Variants in TENM1 observed in about 807,000 individuals in gnomAD.
TENM1 encodes teneurin transmembrane protein 1, also known as teneurin-1.
Under a neutral mutation model 174.8 loss-of-function variants are expected in TENM1, and 35 were observed. That is an observed-to-expected ratio of 0.20 (90% CI 0.15 to 0.27). The LOEUF (loss-of-function observed/expected upper bound fraction) is 0.27, where lower values mean the gene tolerates loss of function less well. Ranked by LOEUF, TENM1 falls within the 10% of genes least tolerant of loss-of-function variation. The probability of loss-of-function intolerance (pLI) is 1.00; values close to 1 mark genes in which losing one functional copy is unlikely to be tolerated. For missense variants in TENM1, 1,633 were observed against 2,130.1 expected (o/e 0.77, Z 4.59); for synonymous variants, 781 against 798.7 (o/e 0.98, Z 0.37).
chrX:125,061,811 G>A, the TENM1 span, among the ~76,000 whole-genome samples: 2 of 111,398 alleles, frequency 1.8e-5, no homozygotes, highest in Non-Finnish European at 3.8e-5. Context: ...GACTGATGCA[G>A]GAGGATCGCT....
At chrX:124,591,222 C>T (rs929371397) in intron 11 of TENM1, among the ~76,000 whole-genome samples, 14 of 111,285 alleles carry the variant, frequency 1.3e-4, no homozygotes, top group African/African-American at 4.2e-4. Flanking sequence ...GCATGTAGAC[C>T]ATTTATATTC....
At chrX:124,711,820 C>A (rs1190013084) in intron 4 of TENM1, among the ~76,000 whole-genome samples, 2 of 111,722 alleles carry the variant, frequency 1.8e-5, no homozygotes, top group African/African-American at 6.5e-5. Context: ...TTACACCTTG[C>A]AAATCTGAAA....
rs772760502 is a variant in TENM1, at chrX:124,408,312, T to C, written c.4983-1823A>G. Among the ~76,000 whole-genome samples the C allele has an allele frequency of 2.7e-5, 3 of 110,546 alleles. No homozygotes were observed. In the East Asian group the frequency reaches 8.6e-4, roughly 32 times the overall value. ...CGAGTACCACTACATCTGGCTAATT[T>C]TTGTATTTTTAGTAGAGATGTGTTT... On this transcript the variant is annotated intron_variant, in intron 25 of 31. Coordinates refer to ENST00000422452, the Ensembl canonical transcript of TENM1.
the TENM1 span, among the ~76,000 whole-genome samples, chrX:125,109,544 C>T: frequency 1.8e-5 from 2 of 110,845 alleles, no homozygotes; most frequent in African/African-American, 6.6e-5. Context: ...CTCCCCACTC[C>T]CCCAAACACG....
the TENM1 span, among the ~76,000 whole-genome samples, chrX:125,166,072 G>A: frequency 9.0e-6 from 1 of 110,986 alleles, no homozygotes; most frequent in South Asian, 3.8e-4. Context: ...TATATACACT[G>A]CTTTAAGTAA....
At chrX:124,396,786 C>A (rs2060339885) in intron 27 of TENM1, among the ~76,000 whole-genome samples, 1 of 110,250 alleles carries the variant, frequency 9.1e-6, no homozygotes, top group Non-Finnish European at 1.9e-5. Flanking sequence ...ATCTTTATTT[C>A]CACTCTTGTT....
At chrX:124,676,763 T>C (rs1431643623) in intron 5 of TENM1, among the ~76,000 whole-genome samples, 2 of 108,668 alleles carry the variant, frequency 1.8e-5, no homozygotes, top group African/African-American at 6.7e-5. Flanking sequence ...TGTTAGAATG[T>C]TGGACTATGT....
intron 25 of TENM1, among the ~76,000 whole-genome samples, chrX:124,414,387 T>C (rs1322709983): frequency 1.8e-5 from 2 of 111,749 alleles, no homozygotes; most frequent in African/African-American, 6.5e-5. Flanking sequence ...TGGCTACTTT[T>C]GCAGCCTTGT....
chrX:124,845,567 A>G (rs964765723), intron 3 of TENM1, among the ~76,000 whole-genome samples: 4 of 111,872 alleles, frequency 3.6e-5, no homozygotes, highest in African/African-American at 1.3e-4. Context: ...TATTCCGAGC[A>G]TCAGATAAGT....
intron 11 of TENM1, among the ~76,000 whole-genome samples, chrX:124,576,441 T>C (rs997639131): frequency 3.6e-5 from 4 of 111,961 alleles, no homozygotes; most frequent in African/African-American, 6.5e-5. Flanking sequence ...GAGTTTGTTT[T>C]TGGTTTATCT....
exon 28 of TENM1, chrX:124,392,065 G>T: frequency 8.3e-7 from 1 of 1,204,926 alleles, no homozygotes; most frequent in Non-Finnish European, 1.1e-6. Flanking sequence ...TTCTAAGTAG[G>T]TATAGCTCCA....
intron 3 of TENM1, among the ~76,000 whole-genome samples, chrX:124,854,253 A>C (rs1461934820): frequency 1.8e-5 from 2 of 111,672 alleles, no homozygotes; most frequent in Non-Finnish European, 3.8e-5. Flanking sequence ...GTAACTCAGG[A>C]ATGGAAAACC....
intron 4 of TENM1, among the ~76,000 whole-genome samples, chrX:124,732,989 C>A (rs1345158428): frequency 8.9e-6 from 1 of 111,887 alleles, no homozygotes; most frequent in Non-Finnish European, 1.9e-5. Context: ...CTGAATGTCT[C>A]TGGCTTCTTG....
the TENM1 span, among the ~76,000 whole-genome samples, chrX:125,008,429 C>T: frequency 1.8e-5 from 2 of 111,578 alleles, no homozygotes; most frequent in Admixed American, 1.9e-4. Context: ...TACACAATAA[C>T]AGTGAAGGAC....
At chrX:124,429,253 A>G (rs1457177366) in intron 23 of TENM1, among the ~76,000 whole-genome samples, 7 of 111,763 alleles carry the variant, frequency 6.3e-5, no homozygotes, top group African/African-American at 2.3e-4. Context: ...TGTGAAGGTC[A>G]AGACTTTTTA....
intron 5 of TENM1, among the ~76,000 whole-genome samples, chrX:124,676,960 G>A (rs1369725124): frequency 9.1e-6 from 1 of 109,824 alleles, no homozygotes. Flanking sequence ...CAATATGGTA[G>A]CCACTCATCA....
chrX:125,185,300 C>T, the TENM1 span, among the ~76,000 whole-genome samples: 3 of 111,948 alleles, frequency 2.7e-5, no homozygotes, highest in African/African-American at 9.7e-5. Flanking sequence ...GTTTTGCAAA[C>T]ATCTTCTCTG....
chrX:125,160,818 G>A, the TENM1 span, among the ~76,000 whole-genome samples: 4 of 109,116 alleles, frequency 3.7e-5, no homozygotes, highest in African/African-American at 1.3e-4. Context: ...AATTGGGATG[G>A]GACACTCTTA....
chrX:124,920,170 T>C (rs1329118359), intron 1 of TENM1, among the ~76,000 whole-genome samples: 5 of 111,876 alleles, frequency 4.5e-5, no homozygotes, highest in African/African-American at 1.6e-4. Flanking sequence ...GAAAGGTTAC[T>C]ATACTTTCAT....
Sources: allele counts gnomAD v4.1 joint callset (sites outside exome capture counted in the v4.1 genomes callset), GRCh38; gene constraint gnomAD v4.1.1; transcripts MANE v1.5; gene names NCBI Gene and HGNC (gene_info 2026-07-23, HGNC 2026-07-21).